The following FSTL5 variants were observed in gnomAD, a reference collection of about 807,000 sequenced individuals.
FSTL5 encodes follistatin like 5, also known as follistatin-related protein 5.
FSTL5 carries 62 observed loss-of-function variants against 89.1 expected under a neutral mutation model. That is an observed-to-expected ratio of 0.70 (90% CI 0.57 to 0.86). The LOEUF is 0.86. FSTL5 is among the 40% of genes least tolerant of loss of function. The pLI is 0.00. For missense variants in FSTL5, 1,057 were observed against 1,001.6 expected (o/e 1.06, Z -0.75); for synonymous variants, 383 against 346.2 (o/e 1.11, Z -1.18).
chr4:162,020,382 T>A (rs1373333257), intron 3 of FSTL5, among the ~76,000 whole-genome samples: 2 of 152,086 alleles, frequency 1.3e-5, no homozygotes, highest in Non-Finnish European at 2.9e-5. Flanking sequence ...TAATAGTTAT[T>A]TAAGGAGTCC....
chr4:161,498,050 T>TGTC (rs1730150094), intron 12 of FSTL5, among the ~76,000 whole-genome samples: 1 of 151,732 alleles, frequency 6.6e-6, no homozygotes, highest in South Asian at 2.1e-4. Flanking sequence ...CACATTGCTT[T>TGTC]GTCCTACATC....
At chr4:161,412,541 T>G (rs931200479) in intron 15 of FSTL5, among the ~76,000 whole-genome samples, 3 of 151,938 alleles carry the variant, frequency 2.0e-5, no homozygotes, top group Non-Finnish European at 4.4e-5. Context: ...AGGAGAAATA[T>G]CTAATGTAAA....
At chr4:161,582,599 C>A (rs1308203540) in intron 8 of FSTL5, among the ~76,000 whole-genome samples, 1 of 152,122 alleles carries the variant, frequency 6.6e-6, no homozygotes, top group Non-Finnish European at 1.5e-5. Context: ...GAGACAGTAC[C>A]AATTTTAGGG....
chr4:162,085,750 T>C (rs1197004926), intron 2 of FSTL5, among the ~76,000 whole-genome samples: 1 of 152,110 alleles, frequency 6.6e-6, no homozygotes, highest in African/African-American at 2.4e-5. Flanking sequence ...AGCCCTGCCA[T>C]TGAATAGCTC....
chr4:161,897,124 A>G (rs1293409310), intron 4 of FSTL5, among the ~76,000 whole-genome samples: 1 of 151,754 alleles, frequency 6.6e-6, no homozygotes, highest in Non-Finnish European at 1.5e-5. Flanking sequence ...AATATTAGAT[A>G]TCTTTAAAAA....
intron 14 of FSTL5, among the ~76,000 whole-genome samples, chr4:161,456,567 T>C (rs969174370): frequency 6.6e-6 from 1 of 152,224 alleles, no homozygotes; most frequent in Admixed American, 6.5e-5. Context: ...CATGATGGCA[T>C]GGGAAACACT....
chr4:161,965,050 A>C (rs1735285517), intron 3 of FSTL5, among the ~76,000 whole-genome samples: 1 of 152,156 alleles, frequency 6.6e-6, no homozygotes, highest in African/African-American at 2.4e-5. Context: ...GCATCATTAC[A>C]GCTAAAAGGG....
chr4:161,502,221 T>C (rs148786376), intron 11 of FSTL5, among the ~76,000 whole-genome samples: 34 of 152,078 alleles, frequency 2.2e-4, no homozygotes, highest in African/African-American at 7.9e-4. Flanking sequence ...TTTACCATAT[T>C]CTACACAGAA....
Position 161,943,641 on chromosome 4 carries a change from C to T in FSTL5, c.161-22989G>A, listed in dbSNP as rs184082723. Among the ~76,000 whole-genome samples the T allele has an allele frequency of 2.7e-3, 392 of 145,738 alleles. 1 individual carries two copies. The highest frequency in any genetic ancestry group is 9.6e-3 in the African/African-American group (380 of 39,646). On this transcript the variant is annotated intron_variant, in intron 3 of 15. Coordinates refer to ENST00000306100, the MANE Select transcript of FSTL5 (RefSeq NM_020116.5). ...TGCAATCTCAGCTCACTGCAAGCCC[C>T]GCCTCCAAGGTTCATGCCATTCTCC...
chr4:161,980,845 C>T (rs1735808845), intron 3 of FSTL5, among the ~76,000 whole-genome samples: 1 of 137,722 alleles, frequency 7.3e-6, no homozygotes, highest in Admixed American at 8.2e-5. Flanking sequence ...GGCGCGATCT[C>T]GGCACACTGC....
At position 162,063,979 on chromosome 4, in the gene FSTL5, CAT is replaced by C. The variant is rs576291606; in HGVS notation, c.127-30323_127-30322del. ...ATAGATGATTTAAAAAATAGACAAACATGTGAAGAAATACACTTTACTCCTGT... is the reference window on the plus strand; with the variant it reads ...ATAGATGATTTAAAAAATAGACAAACGTGAAGAAATACACTTTACTCCTGT... On this transcript the variant is annotated intron_variant, in intron 2 of 15. Coordinates refer to ENST00000306100, the MANE Select transcript of FSTL5 (RefSeq NM_020116.5). Among the ~76,000 whole-genome samples the C allele has an allele frequency of 4.3e-4, 66 of 152,026 alleles. No individual in the cohort carries two copies. The East Asian group carries it at 6.0e-3, about 14-fold the overall frequency.
intron 7 of FSTL5, among the ~76,000 whole-genome samples, chr4:161,595,818 T>C (rs1337280457): frequency 1.3e-5 from 2 of 152,136 alleles, no homozygotes; most frequent in African/African-American, 2.4e-5. Flanking sequence ...TGTTATAAAA[T>C]GGTAAATTTT....
intron 8 of FSTL5, among the ~76,000 whole-genome samples, chr4:161,574,648 T>C (rs1295905996): frequency 6.6e-6 from 1 of 152,180 alleles, no homozygotes; most frequent in African/African-American, 2.4e-5. Context: ...TTGCTGAGAA[T>C]GGTGGCTTCC....
intron 1 of FSTL5, among the ~76,000 whole-genome samples, chr4:162,148,545 ATTAG>A (rs1389734705): frequency 6.6e-6 from 1 of 152,158 alleles, no homozygotes. Context: ...TATTAATTTA[ATTAG>A]AAGTTTTAAA....
chr4:161,536,536 T>C (rs1458559562), intron 10 of FSTL5, among the ~76,000 whole-genome samples: 1 of 152,198 alleles, frequency 6.6e-6, no homozygotes, highest in Non-Finnish European at 1.5e-5. Context: ...TTTATACTTT[T>C]CCGTAGTTGC....
intron 3 of FSTL5, among the ~76,000 whole-genome samples, chr4:162,007,627 TA>T (rs147535137): frequency 8.6e-5 from 13 of 150,458 alleles, no homozygotes; most frequent in East Asian, 2.0e-4. Flanking sequence ...TCCAACTTAT[TA>T]AAAAAAAAGC....
At chr4:161,914,637 T>C (rs62331206) in intron 4 of FSTL5, among the ~76,000 whole-genome samples, 10,635 of 152,266 alleles carry the variant, frequency 0.07, 476 homozygotes, top group Non-Finnish European at 0.11. Flanking sequence ...TCTTTAAATA[T>C]AATTATCTAA....
At chr4:162,084,295 T>G (rs2111340830) in intron 2 of FSTL5, among the ~76,000 whole-genome samples, 1 of 151,994 alleles carries the variant, frequency 6.6e-6, no homozygotes, top group South Asian at 2.1e-4. Context: ...TGGAGTCAGG[T>G]TTATATTGCA....
At chr4:161,426,443 G>C (rs2126327802) in intron 15 of FSTL5, among the ~76,000 whole-genome samples, 1 of 152,340 alleles carries the variant, frequency 6.6e-6, no homozygotes, top group African/African-American at 2.4e-5. Flanking sequence ...TAACAGACAT[G>C]ATTCAGTGTG....
Sources: gnomAD v4.1 joint callset for allele counts (sites outside exome capture counted in the v4.1 genomes callset) on GRCh38, gnomAD v4.1.1 for gene constraint, MANE v1.5 for transcripts, NCBI Gene and HGNC (gene_info 2026-07-23, HGNC 2026-07-21) for gene names.